The following ADGRV1 variants were observed in gnomAD, a reference collection of about 807,000 sequenced individuals.
ADGRV1 encodes the protein G-protein coupled receptor 98.
ADGRV1 carries 359 observed loss-of-function variants against 596.2 expected under a neutral mutation model. The ratio of observed to expected loss-of-function variants is 0.60; its 90% CI spans 0.55 to 0.66. The LOEUF (loss-of-function observed/expected upper bound fraction) is 0.66, where lower values mean the gene tolerates loss of function less well. Among genes scored for constraint, ADGRV1 ranks in the 30% least tolerant of loss-of-function variants. The pLI, the probability that ADGRV1 is intolerant of heterozygous loss-of-function variation, is 0.00. For synonymous variants in ADGRV1, 2,681 were observed against 2,679.2 expected (o/e 1.00, Z -0.02); for missense variants, 7,274 against 7,575.6 (o/e 0.96, Z 1.48).
At position 90,646,186 on chromosome 5, in the gene ADGRV1, G is replaced by A. The variant is rs1390846441; in HGVS notation, c.3022+95G>A. ...CGTGCATATATACATTTATATGCAC[G>A]TGCGTATATACATTTATATACATAT... On this transcript the variant is annotated intron_variant, in intron 16 of 89. Transcript: ENST00000405460. 6 of 737,354 alleles carry A rather than the reference G, an allele frequency of 8.1e-6. No homozygotes were observed. In the East Asian group the frequency reaches 1.8e-4, roughly 22 times the overall value. 45.7% of individuals were successfully genotyped at this position (737,354 alleles called of 1,614,324 possible). A position where few individuals can be genotyped will look rare whatever the true frequency, so the allele number is the denominator to read the frequency against.
At chr5:90,733,823 A>G (rs1752864462) in intron 50 of ADGRV1, among the ~76,000 whole-genome samples, 1 of 152,144 alleles carries the variant, frequency 6.6e-6, no homozygotes, top group African/African-American at 2.4e-5. Flanking sequence ...ATTTTGAAAT[A>G]TACTATACAT....
rs1487646856 is a variant in ADGRV1 at position 90,685,891 on chromosome 5, T to A, written c.6386T>A (p.Val2129Glu). The A allele has an allele frequency of 1.2e-6, 2 of 1,612,490 alleles. No individual in the cohort carries two copies. The highest frequency in any genetic ancestry group is 3.3e-5 in the Admixed American group (2 of 59,914). Reference sequence around the variant, plus strand: ...CAGCTCTCAGCACCAATTGTCCGAGTGGCAGAAAATCATGTTGGACCCATT... The same window carrying A: ...CAGCTCTCAGCACCAATTGTCCGAGAGGCAGAAAATCATGTTGGACCCATT... Reference protein sequence around the residue: ...TLQLSAPIVRVAENHVGPIIN... With the variant: ...TLQLSAPIVREAENHVGPIIN... The change falls in exon 29 of 90, where the codon GTG becomes GAG. Residue 2129 changes from valine (V) to glutamate (E), a missense_variant. This residue lies in a region of ADGRV1 where 3,643 missense variants were observed against 3,809.2 expected (regional missense o/e 0.96). Transcript: ENST00000405460.
intron 86 of ADGRV1, among the ~76,000 whole-genome samples, chr5:91,084,250 A>G (rs1051427114): frequency 6.6e-6 from 1 of 152,114 alleles, no homozygotes; most frequent in Admixed American, 6.6e-5. Flanking sequence ...TGATTTCCTC[A>G]CTAGCTTGGC....
intron 82 of ADGRV1, among the ~76,000 whole-genome samples, chr5:90,862,972 C>T (rs958258067): frequency 2.3e-4 from 35 of 152,126 alleles, no homozygotes; most frequent in South Asian, 4.1e-4. Flanking sequence ...TATAACTAAA[C>T]GGGTAAAAAT....
chr5:90,697,320 A>C (rs1747324274), intron 34 of ADGRV1, among the ~76,000 whole-genome samples, 174 bp downstream of exon 34: 1 of 152,116 alleles, frequency 6.6e-6, no homozygotes, highest in Non-Finnish European at 1.5e-5. Context: ...GTTTAGCCAG[A>C]TTTAGGAGCC....
Position 90,712,274 on chromosome 5 carries a change from C to A in ADGRV1, c.9043-13C>A. ...ATAAATATAATACATTCTGCTTTTA[C>A]CTTTTTGACCAGATTCTTCATTTTG... On this transcript the variant is annotated splice_polypyrimidine_tract_variant and intron_variant, in intron 41 of 89. Transcript: ENST00000405460. The A allele has an allele frequency of 2.0e-6, 3 of 1,492,006 alleles. No individual in the cohort carries two copies. The highest frequency in any genetic ancestry group is 2.7e-6 in the Non-Finnish European group (3 of 1,105,476). 92.4% of individuals were successfully genotyped at this position (1,492,006 alleles called of 1,614,324 possible). A position where few individuals can be genotyped will look rare whatever the true frequency, so the allele number is the denominator to read the frequency against.
At chr5:91,091,606 C>T (rs752774998) in intron 86 of ADGRV1, 1 of 152,040 alleles carries the variant, frequency 6.6e-6, no homozygotes, top group Non-Finnish European at 1.5e-5. Flanking sequence ...TAGGATTCTC[C>T]ATAGAAACAG....
At chr5:91,076,096 TC>T (rs1282727993) in intron 86 of ADGRV1, among the ~76,000 whole-genome samples, 37 of 152,162 alleles carry the variant, frequency 2.4e-4, no homozygotes, top group Non-Finnish European at 4.1e-4. Context: ...CTTTATTAGC[TC>T]TACAAAGCTT....
chr5:90,717,456 GC>G (rs1250737314), intron 43 of ADGRV1: 2 of 99,482 alleles, frequency 2.0e-5, no homozygotes, highest in Admixed American at 1.9e-4. Context: ...TTTTTTTGAG[GC>G]AGAGTCTCAC....
chr5:90,619,297 T>C, intron 4 of ADGRV1, 116 bp downstream of exon 4: 1 of 489,738 alleles, frequency 2.0e-6, no homozygotes. Context: ...TTAAATAAAA[T>C]TTGCTTTAAC....
intron 83 of ADGRV1, among the ~76,000 whole-genome samples, chr5:90,882,343 A>G (rs1769873723): frequency 6.6e-6 from 1 of 152,218 alleles, no homozygotes; most frequent in Admixed American, 6.5e-5. Context: ...TGAGAAAGGA[A>G]ATATTGAATA....
intron 83 of ADGRV1, among the ~76,000 whole-genome samples, chr5:90,928,243 A>C (rs1472925661): frequency 6.6e-6 from 1 of 151,874 alleles, no homozygotes; most frequent in African/African-American, 2.4e-5. Flanking sequence ...CCTTGGTTCC[A>C]TTCTCCCCAT....
At chr5:90,750,460 G>A in intron 52 of ADGRV1, 91 bp from the exon 53 acceptor site, 1 of 1,097,398 alleles carries the variant, frequency 9.1e-7, no homozygotes, top group Non-Finnish European at 1.3e-6. Context: ...GGACCACAAA[G>A]TTTGCAAATC....
intron 1 of ADGRV1, among the ~76,000 whole-genome samples, chr5:90,580,592 A>G (rs1360577540): frequency 6.6e-6 from 1 of 152,128 alleles, no homozygotes; most frequent in African/African-American, 2.4e-5. Context: ...TTCTTTAAGA[A>G]TGTTGAATAT....
In ADGRV1 at chr5:90,809,198, C is replaced by T. The variant is rs1476087560; in HGVS notation, c.14973-1035C>T. Among the ~76,000 whole-genome samples the T allele has an allele frequency of 4.6e-5, 7 of 151,184 alleles. No individual in the cohort carries two copies. In the East Asian group the frequency reaches 1.2e-3, roughly 26 times the overall value. On this transcript the variant is annotated intron_variant, in intron 73 of 89. Transcript: ENST00000405460. ...GTCTCGATCTCCTGACCTCGTGATC[C>T]GCCCACCTCGGCCTCCCAAAGTGCT...
intron 83 of ADGRV1, among the ~76,000 whole-genome samples, chr5:90,949,376 T>G (rs906405517): frequency 6.6e-6 from 1 of 152,152 alleles, no homozygotes; most frequent in African/African-American, 2.4e-5. Flanking sequence ...TCTAAAAAAT[T>G]TTTAAGGTGA....
chr5:90,822,486 G>A (rs986109908), intron 75 of ADGRV1, among the ~76,000 whole-genome samples: 1 of 152,088 alleles, frequency 6.6e-6, no homozygotes, highest in African/African-American at 2.4e-5. Flanking sequence ...CCATTGATCT[G>A]TATCTCTGTT....
chr5:90,898,095 A>G (rs888668802), intron 83 of ADGRV1, among the ~76,000 whole-genome samples: 4 of 152,166 alleles, frequency 2.6e-5, no homozygotes, highest in Non-Finnish European at 5.9e-5. Flanking sequence ...TTGGCTAGGC[A>G]TGTGTAGTAT....
At chr5:90,808,894 C>T (rs778901545) in intron 73 of ADGRV1, among the ~76,000 whole-genome samples, 6 of 151,570 alleles carry the variant, frequency 4.0e-5, no homozygotes, top group African/African-American at 1.2e-4. Context: ...AGTGAGACTC[C>T]GTATCAAAAA....
Sources: allele counts gnomAD v4.1 joint callset (sites outside exome capture counted in the v4.1 genomes callset), GRCh38; gene constraint gnomAD v4.1.1; regional missense constraint gnomAD v4.1.1; transcripts MANE v1.5; gene names NCBI Gene and HGNC (gene_info 2026-07-23, HGNC 2026-07-21).